The following DERA variants were observed in gnomAD, a reference collection of about 807,000 sequenced individuals.
DERA encodes deoxyribose-phosphate aldolase, also known as 2-deoxy-D-ribose 5-phosphate aldolase.
Under a neutral mutation model 41.1 loss-of-function variants are expected in DERA, and 15 were observed. That is an observed-to-expected ratio of 0.37 (90% CI 0.24 to 0.56). DERA has a LOEUF of 0.56. DERA is among the 20% of genes least tolerant of loss of function. The probability of loss-of-function intolerance (pLI) is 0.81; values close to 1 mark genes in which losing one functional copy is unlikely to be tolerated. For missense variants in DERA, 396 were observed against 403.4 expected, an observed-to-expected ratio of 0.98 and a Z score of 0.16; for synonymous variants, 139 against 137.4, an observed-to-expected ratio of 1.01 and a Z score of -0.08.
intron 6 of DERA, among the ~76,000 whole-genome samples, chr12:16,023,373 C>CAAA (rs1218191279): frequency 6.6e-6 from 1 of 151,960 alleles, no homozygotes; most frequent in Admixed American, 6.5e-5. Flanking sequence ...AACCTTACAC[C>CAAA]AAAGGCCCAT....
chr12:16,035,821 T>C lies in DERA; in HGVS notation c.751-411T>C, dbSNP rs979883357. The stretch of plus-strand genomic sequence containing the variant: ...GTCTTTTGAACCTCAAGATGAAGGC[T>C]GAGAAGTGACTCTACAGGCTTACTT... On this transcript the variant is annotated intron_variant, in intron 7 of 8. Coordinates refer to ENST00000428559, the MANE Select transcript of DERA (RefSeq NM_015954.4). This position sits in a 1 kb window ranked among gnomAD's most constrained non-coding sequence, Gnocchi z 4.1. 1.3e-5 allele frequency among the ~76,000 whole-genome samples: 2 copies of C among 152,230 alleles called. No homozygotes were observed. Among genetic ancestry groups the C allele is most frequent in the Non-Finnish European group, 2.9e-5 (2 of 68,040 alleles).
chr12:15,925,968 C>T (rs934970227), intron 1 of DERA, among the ~76,000 whole-genome samples: 3 of 151,720 alleles, frequency 2.0e-5, no homozygotes, highest in Admixed American at 6.6e-5. Context: ...TTAGAGGCGC[C>T]CACCATCACA....
chr12:16,023,098 C>G (rs766329739), intron 6 of DERA, among the ~76,000 whole-genome samples: 5 of 152,046 alleles, frequency 3.3e-5, no homozygotes, highest in Non-Finnish European at 7.4e-5. Context: ...CAGTTACAGC[C>G]CAGGGACACA....
In DERA at chr12:15,990,452, T is replaced by A. The variant is rs1306664156; in HGVS notation, c.637+8016T>A. On this transcript the variant is annotated intron_variant, in intron 6 of 8. Transcript: ENST00000428559. This position sits in a 1 kb window ranked among gnomAD's most constrained non-coding sequence, Gnocchi z 4.3. ...TTTTTGTTTTGTTTTGTTTTTAGTT[T>A]TATTTTTAACTTTTAAGTTCAGGGG... Among the ~76,000 whole-genome samples, 1 of 152,148 alleles carries A rather than the reference T, an allele frequency of 6.6e-6. No homozygotes were observed. The highest frequency in any genetic ancestry group is 1.5e-5 in the Non-Finnish European group (1 of 67,984).
chr12:15,948,127 C>T (rs936323307), intron 1 of DERA, among the ~76,000 whole-genome samples: 1 of 152,156 alleles, frequency 6.6e-6, no homozygotes, highest in African/African-American at 2.4e-5. Flanking sequence ...TCTCTGGCTG[C>T]CTTTAACATT....
Position 16,035,873 on chromosome 12 carries a change from G to A in DERA, c.751-359G>A, listed in dbSNP as rs1364539572. The stretch of plus-strand genomic sequence containing the variant: ...TGGAAATGTAGAATGAGTGGGCTTT[G>A]CTTTTGTGATCTGTTTTCCTATTTA... On this transcript the variant is annotated intron_variant, in intron 7 of 8. Transcript: ENST00000428559. This position sits in a 1 kb window ranked among gnomAD's most constrained non-coding sequence, Gnocchi z 4.1. Among the ~76,000 whole-genome samples, 1 of 152,146 alleles carries A rather than the reference G, an allele frequency of 6.6e-6. No individual in the cohort carries two copies. The highest frequency in any genetic ancestry group is 1.5e-5 in the Non-Finnish European group (1 of 68,030).
chr12:16,006,083 G>A (rs1948908678), intron 6 of DERA, among the ~76,000 whole-genome samples: 1 of 152,204 alleles, frequency 6.6e-6, no homozygotes, highest in South Asian at 2.1e-4. Flanking sequence ...TTCAGCAAAT[G>A]TGTGGCCTTA....
In DERA at chr12:15,972,813, A is replaced by C. The variant is rs1592027906; in HGVS notation, c.509-9495A>C. ...AGTGGGAGTGGTGCGGGACTCCACG[A>C]TCTAGTGCTGGACTTGGAAGTTAAT... On this transcript the variant is annotated intron_variant, in intron 5 of 8. Transcript: ENST00000428559. This position sits in a 1 kb window ranked among gnomAD's most constrained non-coding sequence, Gnocchi z 4.4. Among the ~76,000 whole-genome samples, 1 of 152,280 alleles carries C rather than the reference A, an allele frequency of 6.6e-6. No homozygotes were observed. The highest frequency in any genetic ancestry group is 6.5e-5 in the Admixed American group (1 of 15,294).
Position 15,967,882 on chromosome 12 carries a change from A to G in DERA, c.508+4935A>G, listed in dbSNP as rs1216520734. On this transcript the variant is annotated intron_variant, in intron 5 of 8. Coordinates refer to ENST00000428559, the MANE Select transcript of DERA (RefSeq NM_015954.4). This position sits in a 1 kb window ranked among gnomAD's most constrained non-coding sequence, Gnocchi z 4.9. ...CTCAAAATTACAATACCTGACAAAC[A>G]TTTTCAAATGATTTGCCCCAGCTGC... Among the ~76,000 whole-genome samples, 1 of 152,172 alleles carries G rather than the reference A, an allele frequency of 6.6e-6. No individual in the cohort carries two copies. The highest frequency in any genetic ancestry group is 1.5e-5 in the Non-Finnish European group (1 of 68,034).
intron 4 of DERA, among the ~76,000 whole-genome samples, chr12:15,960,326 A>G (rs560713557): frequency 5.3e-5 from 8 of 150,834 alleles, no homozygotes; most frequent in Non-Finnish European, 8.9e-5. Context: ...TTATACATAT[A>G]TATGTAAAAT....
At position 15,958,297 on chromosome 12, in the gene DERA, G is replaced by T. The variant is rs114053981; in HGVS notation, c.239G>T (p.Arg80Leu). The T allele has an allele frequency of 6.2e-7, 1 of 1,603,454 alleles. No individual in the cohort carries two copies. Among genetic ancestry groups the T allele is most frequent in the Non-Finnish European group, 8.5e-7 (1 of 1,175,020 alleles). ...RLCYKAKYPI[R>L]EDLLKALNMH... is the part of the protein sequence containing the mutation. ...TGTTATAAAGCCAAATACCCAATCC[G>T]GGAAGATCTCTTAAAAGCTTTAAAT... is the stretch of plus-strand genomic sequence containing the variant. Residue 80 changes from arginine (R) to leucine (L), a missense_variant, in exon 3 of 9, where the codon CGG (arginine) becomes CTG (leucine). By Grantham distance (102) the Arg-to-Leu change is moderately radical. Coordinates refer to ENST00000428559, the MANE Select transcript of DERA (RefSeq NM_015954.4).
Position 16,004,092 on chromosome 12 carries a change from C to T in DERA, c.637+21656C>T, listed in dbSNP as rs543785491. Among the ~76,000 whole-genome samples the T allele has an allele frequency of 1.3e-5, 2 of 152,190 alleles. No homozygotes were observed. Among genetic ancestry groups the T allele is most frequent in the Admixed American group, 1.3e-4 (2 of 15,294 alleles). On this transcript the variant is annotated intron_variant, in intron 6 of 8. Transcript: ENST00000428559. The surrounding 1 kb of genome is among the most constrained non-coding windows in gnomAD (Gnocchi z 4.2). ...GGAAAAGTACATTCTGATTTCCAGCCGGCTGTGAATTTACAAACTTTTGGA... is the reference window on the plus strand; with the variant it reads ...GGAAAAGTACATTCTGATTTCCAGCTGGCTGTGAATTTACAAACTTTTGGA...
chr12:16,033,868 G>T (rs1179092052), intron 7 of DERA, among the ~76,000 whole-genome samples: 1 of 151,944 alleles, frequency 6.6e-6, no homozygotes, highest in African/African-American at 2.4e-5. Context: ...TTACGAATAG[G>T]ATAAATATCT....
chr12:15,932,829 T>C (rs1010580757), intron 1 of DERA, among the ~76,000 whole-genome samples: 1 of 152,170 alleles, frequency 6.6e-6, no homozygotes, highest in Non-Finnish European at 1.5e-5. Flanking sequence ...TTTGTACCCT[T>C]TGACCAACAT....
rs1948544279 is a variant in DERA at position 15,956,957 on chromosome 12, T to C, written c.53T>C (p.Ile18Thr). Residue 18 changes from isoleucine to threonine, a missense_variant, in exon 2 of 9, where the codon ATA (isoleucine) becomes ACA (threonine). Coordinates refer to ENST00000428559, the MANE Select transcript of DERA (RefSeq NM_015954.4). ...TTAGACCTTAGCTGGATCTCCAAAATACAAGTGAATCACCCGGCAGTTCTG... is the reference window on the plus strand; with the variant it reads ...TTAGACCTTAGCTGGATCTCCAAAACACAAGTGAATCACCCGGCAGTTCTG... ...TELDLSWISK[I>T]QVNHPAVLRR... is the part of the protein sequence containing the mutation. 3.1e-6 allele frequency: 5 copies of C among 1,613,816 alleles called. No homozygotes were observed. The Admixed American group carries it at 5.0e-5, about 16-fold the overall frequency.
In DERA at chr12:15,928,812, T is replaced by A. The variant is rs1013964496; in HGVS notation, c.31+17398T>A. On this transcript the variant is annotated intron_variant, in intron 1 of 8. Transcript: ENST00000428559. The surrounding 1 kb of genome is among the most constrained non-coding windows in gnomAD (Gnocchi z 4.6). The stretch of plus-strand genomic sequence containing the variant: ...GACCCTTTATATGTGCAGTTTAAAA[T>A]GTTTAACCAAAGGGAATATTTGGTT... Among the ~76,000 whole-genome samples the A allele has an allele frequency of 1.3e-5, 2 of 152,202 alleles. No individual in the cohort carries two copies. Among genetic ancestry groups the A allele is most frequent in the Non-Finnish European group, 2.9e-5 (2 of 68,036 alleles).
At chr12:15,945,903 C>G (rs1160773319) in intron 1 of DERA, among the ~76,000 whole-genome samples, 4 of 152,076 alleles carry the variant, frequency 2.6e-5, no homozygotes, top group African/African-American at 7.2e-5. Flanking sequence ...GAGATATGTC[C>G]CATCAATACC....
rs1482559823 is a variant in DERA at position 15,990,285 on chromosome 12, A to G, written c.637+7849A>G. On this transcript the variant is annotated intron_variant, in intron 6 of 8. Coordinates refer to ENST00000428559, the MANE Select transcript of DERA (RefSeq NM_015954.4). This position sits in a 1 kb window ranked among gnomAD's most constrained non-coding sequence, Gnocchi z 4.3. ...CTTACTATATTAGCAGAATTGTTCA[A>G]TGAATCTTATATTTGAACTTACTTT... Among the ~76,000 whole-genome samples, 2 of 152,214 alleles carry G rather than the reference A, an allele frequency of 1.3e-5. No homozygotes were observed. The highest frequency in any genetic ancestry group is 1.5e-5 in the Non-Finnish European group (1 of 68,032).
chr12:15,953,371 AAC>A (rs1948513117), intron 1 of DERA, among the ~76,000 whole-genome samples: 1 of 152,210 alleles, frequency 6.6e-6, no homozygotes, highest in Admixed American at 6.5e-5. Context: ...CTTCTGCAGA[AAC>A]ACAAATGAAA....
Sources: gnomAD v4.1 joint callset for allele counts (sites outside exome capture counted in the v4.1 genomes callset) on GRCh38, gnomAD v4.1.1 for gene constraint, Gnocchi (gnomAD v3.1) non-coding constraint, MANE v1.5 for transcripts, NCBI Gene and HGNC (gene_info 2026-07-23, HGNC 2026-07-21) for gene names.